Variants in GPR176 observed in about 807,000 individuals in gnomAD.
The protein encoded by GPR176 is G protein-coupled receptor 176, also known as G-protein coupled receptor 176.
Under a neutral mutation model 35.4 loss-of-function variants are expected in GPR176, and 26 were observed. That is an observed-to-expected ratio of 0.74 (90% CI 0.54 to 1.02). The LOEUF (loss-of-function observed/expected upper bound fraction) is 1.02, where lower values mean the gene tolerates loss of function less well. GPR176 is among the 50% of genes least tolerant of loss of function. GPR176 has a pLI of 0.00. For missense variants in GPR176, 597 were observed against 665.3 expected, an observed-to-expected ratio of 0.90 and a Z score of 1.13; for synonymous variants, 278 against 271.3, an observed-to-expected ratio of 1.02 and a Z score of -0.24.
At chr15:39,811,059 T>C (rs181717159) in intron 1 of GPR176, among the ~76,000 whole-genome samples, 56 of 152,366 alleles carry the variant, frequency 3.7e-4, no homozygotes, top group African/African-American at 1.3e-3. Context: ...AGGAATGACT[T>C]TTAACCTAAC....
chr15:39,917,569 C>G (rs1460383006), intron 1 of GPR176, among the ~76,000 whole-genome samples: 1 of 151,864 alleles, frequency 6.6e-6, no homozygotes, highest in Non-Finnish European at 1.5e-5. Context: ...CTCCTGATCT[C>G]AAGCGATCTG....
intron 1 of GPR176, among the ~76,000 whole-genome samples, chr15:39,838,554 GC>G (rs1374502687): frequency 6.6e-6 from 1 of 152,028 alleles, no homozygotes; most frequent in Non-Finnish European, 1.5e-5. Context: ...ACATAACCCA[GC>G]ATATAAACAG....
chr15:39,910,984 G>A (rs1472545577), intron 1 of GPR176, among the ~76,000 whole-genome samples: 1 of 152,066 alleles, frequency 6.6e-6, no homozygotes. Context: ...GTTGCAGTTA[G>A]TCAAGGTTGT....
intron 1 of GPR176, among the ~76,000 whole-genome samples, chr15:39,880,512 C>T (rs1447950122): frequency 1.3e-5 from 2 of 152,194 alleles, no homozygotes; most frequent in Non-Finnish European, 2.9e-5. Flanking sequence ...TACTTGATGA[C>T]CCTCCAGCTT....
At chr15:39,843,026 G>GCAC (rs2030139769) in intron 1 of GPR176, among the ~76,000 whole-genome samples, 1 of 151,660 alleles carries the variant, frequency 6.6e-6, no homozygotes, top group Non-Finnish European at 1.5e-5. Context: ...ACTAAAAGCA[G>GCAC]CACTGGATTC....
intron 1 of GPR176, chr15:39,813,474 A>G (rs1257323593): frequency 6.6e-6 from 1 of 152,232 alleles, no homozygotes; most frequent in East Asian, 1.9e-4. Context: ...CAGTTGAAAG[A>G]TATCACTCCA....
chr15:39,891,751 AC>A (rs1653966182), intron 1 of GPR176, among the ~76,000 whole-genome samples: 1 of 152,174 alleles, frequency 6.6e-6, no homozygotes, highest in Non-Finnish European at 1.5e-5. Flanking sequence ...AGGTTGGAGG[AC>A]CACTTAAGCC....
intron 1 of GPR176, among the ~76,000 whole-genome samples, chr15:39,819,986 T>C (rs923430744): frequency 3.9e-5 from 6 of 152,194 alleles, no homozygotes; most frequent in Non-Finnish European, 7.4e-5. Context: ...CTGAATTTAG[T>C]AGGCAAGGCA....
intron 1 of GPR176, among the ~76,000 whole-genome samples, chr15:39,918,506 C>T (rs542185015): frequency 1.3e-5 from 2 of 152,254 alleles, no homozygotes; most frequent in African/African-American, 4.8e-5. Context: ...ACAGTCACTT[C>T]TACTACCTCT....
intron 1 of GPR176, among the ~76,000 whole-genome samples, chr15:39,833,922 G>A (rs1312718819): frequency 2.0e-5 from 3 of 152,106 alleles, no homozygotes; most frequent in African/African-American, 7.2e-5. Context: ...CTATTGAGAT[G>A]TGCCTCCTGC....
At chr15:39,900,548 C>T (rs749867631) in intron 1 of GPR176, among the ~76,000 whole-genome samples, 5 of 152,196 alleles carry the variant, frequency 3.3e-5, no homozygotes, top group Non-Finnish European at 5.9e-5. Context: ...CACGTACTCC[C>T]GTTGTCCATA....
chr15:39,872,870 A>G (rs2140840209), intron 1 of GPR176, among the ~76,000 whole-genome samples: 1 of 151,822 alleles, frequency 6.6e-6, no homozygotes, highest in East Asian at 1.9e-4. Context: ...GAGGATTACA[A>G]TTCAACATGA....
At chr15:39,860,609 C>T (rs2031527524) in intron 1 of GPR176, among the ~76,000 whole-genome samples, 1 of 152,180 alleles carries the variant, frequency 6.6e-6, no homozygotes. Context: ...ACTATACATC[C>T]CATGATTGGC....
intron 1 of GPR176, among the ~76,000 whole-genome samples, chr15:39,881,619 C>T (rs1318112744): frequency 6.6e-6 from 1 of 152,190 alleles, no homozygotes; most frequent in East Asian, 1.9e-4. Context: ...TCCCTTTTAA[C>T]ATAGTTTAAC....
chr15:39,911,253 A>C (rs2033569481), intron 1 of GPR176, among the ~76,000 whole-genome samples: 1 of 152,138 alleles, frequency 6.6e-6, no homozygotes, highest in African/African-American at 2.4e-5. Flanking sequence ...GTCCCTAAGG[A>C]GGAACTTTAA....
chr15:39,857,729 A>G (rs200969926), intron 1 of GPR176, among the ~76,000 whole-genome samples: 152 of 152,068 alleles, frequency 1.0e-3, no homozygotes, highest in Middle Eastern at 3.4e-3. Flanking sequence ...AGCACTTTGG[A>G]AGGCCAAGGC....
At chr15:39,897,827 T>C (rs796126240) in intron 1 of GPR176, among the ~76,000 whole-genome samples, 6 of 152,318 alleles carry the variant, frequency 3.9e-5, no homozygotes, top group African/African-American at 1.2e-4. Flanking sequence ...GAGATATAGC[T>C]TGACTAATCA....
Position 39,817,144 on chromosome 15 carries a change from T to C in GPR176, c.173-9886A>G, listed in dbSNP as rs375630911. ...CCAGTAGGTAGCCAGCAAGCGCCCT[T>C]GTGCATTTAGGCTCACAGGATGAGC... On this transcript the variant is annotated intron_variant, in intron 1 of 2. Coordinates refer to ENST00000561100, the MANE Select transcript of GPR176 (RefSeq NM_007223.3). Among the ~76,000 whole-genome samples the C allele has an allele frequency of 9.2e-4, 138 of 150,588 alleles. 1 individual carries two copies. Among genetic ancestry groups the C allele is most frequent in the Middle Eastern group, 3.4e-3 (1 of 292 alleles).
At chr15:39,847,442 T>C (rs984546986) in intron 1 of GPR176, among the ~76,000 whole-genome samples, 1 of 152,048 alleles carries the variant, frequency 6.6e-6, no homozygotes, top group Non-Finnish European at 1.5e-5. Flanking sequence ...AGCTGTATCA[T>C]GCAAACATAA....
Sources: allele counts gnomAD v4.1 joint callset (sites outside exome capture counted in the v4.1 genomes callset), GRCh38; gene constraint gnomAD v4.1.1; transcripts MANE v1.5; gene names NCBI Gene and HGNC (gene_info 2026-07-23, HGNC 2026-07-21).